Variants in TAFA5 observed in about 807,000 individuals in gnomAD.
TAFA5 encodes the protein TAFA chemokine like family member 5, also known as chemokine-like protein TAFA-5.
In TAFA5, 6 loss-of-function variants were observed where a neutral mutation model predicts 15.3. The observed-to-expected ratio is 0.39, with a 90% CI of 0.21 to 0.77. TAFA5 has a LOEUF of 0.77. Ranked by LOEUF, TAFA5 falls within the 30% of genes least tolerant of loss-of-function variation. The probability of loss-of-function intolerance (pLI) is 0.41; values close to 1 mark genes in which losing one functional copy is unlikely to be tolerated. For synonymous variants in TAFA5, 103 were observed against 80.7 expected, an observed-to-expected ratio of 1.28 and a Z score of -1.48; for missense variants, 161 against 193.1, an observed-to-expected ratio of 0.83 and a Z score of 0.98.
intron 1 of TAFA5, among the ~76,000 whole-genome samples, chr22:48,571,574 G>GGTTTT (rs1923586657): frequency 3.4e-5 from 1 of 29,234 alleles, no homozygotes; most frequent in Non-Finnish European, 6.6e-5. Context: ...TGCCTGGCCT[G>GGTTTT]TTTTTTTTTT....
rs1333374228 is a variant in TAFA5, at chr22:48,751,431, G to A, written c.*1584G>A. On this transcript the variant is annotated 3_prime_UTR_variant, in exon 4 of 4. Transcript: ENST00000402357. ...TTCATTTTCCTGAGTTCCCGCTGAAGTATATACTACCTATGAGTCCAATTA... is the reference window on the plus strand; with the variant it reads ...TTCATTTTCCTGAGTTCCCGCTGAAATATATACTACCTATGAGTCCAATTA... The A allele has an allele frequency of 6.6e-6, 1 of 152,438 alleles. No homozygotes were observed. The highest frequency in any genetic ancestry group is 2.4e-5 in the African/African-American group (1 of 41,432). The allele number at this position is 152,438 out of a possible 1,614,324, so 9.4% of individuals were successfully genotyped here. A position where few individuals can be genotyped will look rare whatever the true frequency, so the allele number is the denominator to read the frequency against.
chr22:48,577,454 C>T (rs1011356130), intron 1 of TAFA5, among the ~76,000 whole-genome samples: 2 of 152,192 alleles, frequency 1.3e-5, no homozygotes, highest in Non-Finnish European at 2.9e-5. Flanking sequence ...CCCCGGGCAC[C>T]CCTGCTCATG....
chr22:48,723,094 C>T (rs1929618260), intron 3 of TAFA5, among the ~76,000 whole-genome samples: 1 of 152,164 alleles, frequency 6.6e-6, no homozygotes, highest in African/African-American at 2.4e-5. Flanking sequence ...CAGACCGGTC[C>T]CTTTGTCACA....
At chr22:48,576,386 G>GGCGGCCGCGGAGGCT in intron 1 of TAFA5, 1 of 1,225,934 alleles carries the variant, frequency 8.2e-7, no homozygotes, top group Non-Finnish European at 1.0e-6. Context: ...GGCGCGAGCG[G>GGCGGCCGCGGAGGCT]GCGGCCGCGG....
chr22:48,580,369 T>G (rs1322645689), intron 1 of TAFA5, among the ~76,000 whole-genome samples: 1 of 152,272 alleles, frequency 6.6e-6, no homozygotes, highest in Non-Finnish European at 1.5e-5. Flanking sequence ...TTCGTCTATC[T>G]GTTAGATGGA....
rs74501993 is a variant in TAFA5, at chr22:48,743,540, T to C, written c.391-6299T>C. Among the ~76,000 whole-genome samples, 1,282 of 152,322 alleles carry C rather than the reference T, an allele frequency of 8.4e-3. 19 individuals carry two copies. Among genetic ancestry groups the C allele is most frequent in the African/African-American group, 0.028 (1,151 of 41,568 alleles). ...TCATGTCTGTTACTGTAGAACACAGTTCAGCCTCAACAGAGGACTAAGTCT... is the reference window on the plus strand; with the variant it reads ...TCATGTCTGTTACTGTAGAACACAGCTCAGCCTCAACAGAGGACTAAGTCT... On this transcript the variant is annotated intron_variant, in intron 3 of 3. Transcript: ENST00000402357.
At chr22:48,506,307 G>A (rs942565286) in intron 1 of TAFA5, among the ~76,000 whole-genome samples, 19 of 152,248 alleles carry the variant, frequency 1.2e-4, no homozygotes, top group Admixed American at 8.5e-4. Flanking sequence ...TCCCAGCCGG[G>A]AACATGGGGT....
At position 48,530,036 on chromosome 22, in the gene TAFA5, T is replaced by C. The variant is rs1014777636; in HGVS notation, c.112+40332T>C. Among the ~76,000 whole-genome samples the C allele has an allele frequency of 1.2e-4, 19 of 152,014 alleles. No individual in the cohort carries two copies. The highest frequency in any genetic ancestry group is 2.0e-4 in the Admixed American group (3 of 15,266). ...GGACACCCCCTGAGGACTGAGCTTG[T>C]GGCTGCAGAGGCCGTGGGCCCTCTG... On this transcript the variant is annotated intron_variant, in intron 1 of 3. Transcript: ENST00000402357. The surrounding 1 kb of genome is among the most constrained non-coding windows in gnomAD (Gnocchi z 6.0).
rs147236959 is a variant in TAFA5, at chr22:48,514,498, C to T, written c.112+24794C>T. ...CCAACATGGGGTTAATTGAGGTGGC[C>T]GCGGCTCCTGGCCCTCCAGAACTTG... On this transcript the variant is annotated intron_variant, in intron 1 of 3. Transcript: ENST00000402357. Among the ~76,000 whole-genome samples the T allele has an allele frequency of 6.2e-3, 938 of 152,258 alleles. 9 individuals are homozygous for T. Among genetic ancestry groups the T allele is most frequent in the African/African-American group, 0.021 (886 of 41,546 alleles).
At position 48,518,365 on chromosome 22, in the gene TAFA5, G is replaced by C. The variant is rs938171963; in HGVS notation, c.112+28661G>C. On this transcript the variant is annotated intron_variant, in intron 1 of 3. Coordinates refer to ENST00000402357, the MANE Select transcript of TAFA5 (RefSeq NM_001082967.3). ...ATTCAGAGAGCTAGAAGTCCTTCCA[G>C]GCCTGGACAAAGAGGTGCCCGTCCT... Among the ~76,000 whole-genome samples, 8 of 152,290 alleles carry C rather than the reference G, an allele frequency of 5.3e-5. No individual in the cohort carries two copies. In the Middle Eastern group the frequency reaches 0.01, roughly 194 times the overall value.
chr22:48,629,251 C>T (rs56277317), intron 1 of TAFA5, among the ~76,000 whole-genome samples: 33 of 152,252 alleles, frequency 2.2e-4, no homozygotes, highest in African/African-American at 7.7e-4. Context: ...GGCTGACTCT[C>T]CCCTGCTTGC....
chr22:48,603,058 G>A (rs189979703), intron 1 of TAFA5, among the ~76,000 whole-genome samples: 11 of 152,334 alleles, frequency 7.2e-5, no homozygotes, highest in Admixed American at 5.9e-4. Context: ...ATGGCTCAGT[G>A]ACTTGGAGAA....
intron 1 of TAFA5, among the ~76,000 whole-genome samples, chr22:48,636,024 C>G (rs560331590): frequency 6.6e-6 from 1 of 152,334 alleles, no homozygotes; most frequent in African/African-American, 2.4e-5. Context: ...TGGGCCCTGC[C>G]CACGTTTGCA....
At chr22:48,625,245 T>C (rs529258785) in intron 1 of TAFA5, among the ~76,000 whole-genome samples, 2 of 152,304 alleles carry the variant, frequency 1.3e-5, no homozygotes, top group Admixed American at 1.3e-4. Context: ...TGCATGAATG[T>C]GTATGACCCA....
intron 2 of TAFA5, among the ~76,000 whole-genome samples, chr22:48,670,572 A>G (rs1927770443): frequency 6.6e-6 from 1 of 152,184 alleles, no homozygotes; most frequent in Non-Finnish European, 1.5e-5. Context: ...GGGGCAATCC[A>G]TCGGTGGAGG....
chr22:48,628,258 G>A (rs1926093008), intron 1 of TAFA5, among the ~76,000 whole-genome samples: 1 of 152,232 alleles, frequency 6.6e-6, no homozygotes, highest in African/African-American at 2.4e-5. Flanking sequence ...GACATGGGGA[G>A]GCTGGCTGCT....
intron 2 of TAFA5, among the ~76,000 whole-genome samples, chr22:48,675,905 G>A (rs569790758): frequency 3.9e-4 from 59 of 152,364 alleles, no homozygotes; most frequent in African/African-American, 1.3e-3. Flanking sequence ...GCATCACAGC[G>A]CACCCTGACG....
intron 1 of TAFA5, among the ~76,000 whole-genome samples, chr22:48,564,733 G>A (rs1436887125): frequency 1.3e-5 from 2 of 152,222 alleles, no homozygotes; most frequent in Non-Finnish European, 2.9e-5. Context: ...AAGCTTCCAG[G>A]CCTGGCACTT....
chr22:48,577,235 G>A (rs1264356774), intron 1 of TAFA5, among the ~76,000 whole-genome samples: 1 of 152,228 alleles, frequency 6.6e-6, no homozygotes, highest in Non-Finnish European at 1.5e-5. Context: ...TGGCTGGAGA[G>A]GCCCTTTGTA....
Sources: gnomAD v4.1 joint callset for allele counts (sites outside exome capture counted in the v4.1 genomes callset) on GRCh38, gnomAD v4.1.1 for gene constraint, Gnocchi (gnomAD v3.1) non-coding constraint, MANE v1.5 for transcripts, NCBI Gene and HGNC (gene_info 2026-07-23, HGNC 2026-07-21) for gene names.